INPP5D: variants seen among roughly 807,000 people sequenced by gnomAD.
The protein encoded by INPP5D is inositol polyphosphate-5-phosphatase D, also known as phosphatidylinositol 3,4,5-trisphosphate 5-phosphatase 1.
INPP5D carries 33 observed loss-of-function variants against 122.9 expected under a neutral mutation model. The observed-to-expected ratio is 0.27, with a 90% confidence interval of 0.20 to 0.36. The LOEUF (loss-of-function observed/expected upper bound fraction) is 0.36, where lower values mean the gene tolerates loss of function less well. INPP5D is among the 10% of genes least tolerant of loss of function. The pLI is 1.00. For missense variants in INPP5D, 1,053 were observed against 1,412.7 expected, an observed-to-expected ratio of 0.75 and a Z score of 4.08; for synonymous variants, 584 against 576.2, an observed-to-expected ratio of 1.01 and a Z score of -0.19.
Position 233,105,193 on chromosome 2 carries a change from TG to T in INPP5D, c.199-16910del, listed in dbSNP as rs1441092925. On this transcript the variant is annotated intron_variant, in intron 2 of 26. Transcript: ENST00000445964. The surrounding 1 kb of genome is among the most constrained non-coding windows in gnomAD (Gnocchi z 4.0). Reference sequence around the variant, plus strand: ...AGCAAAGCAACAGAGCCCCCAGAAGTGGGGATGGGAGCAGGGGGGCGGTCAG... The same window carrying T: ...AGCAAAGCAACAGAGCCCCCAGAAGTGGGATGGGAGCAGGGGGGCGGTCAG... Among the ~76,000 whole-genome samples the T allele has an allele frequency of 6.6e-6, 1 of 151,924 alleles. No homozygotes were observed. Among genetic ancestry groups the T allele is most frequent in the Non-Finnish European group, 1.5e-5 (1 of 67,984 alleles).
At chr2:233,179,785 A>G (rs1694737583) in intron 18 of INPP5D, among the ~76,000 whole-genome samples, 1 of 152,250 alleles carries the variant, frequency 6.6e-6, no homozygotes, top group South Asian at 2.1e-4. Context: ...GTGAATGTCC[A>G]GAGCTCAGGA....
At chr2:233,110,421 A>G (rs924821782) in intron 2 of INPP5D, among the ~76,000 whole-genome samples, 3 of 151,792 alleles carry the variant, frequency 2.0e-5, no homozygotes, top group Non-Finnish European at 4.4e-5. Flanking sequence ...GCTGGTCTCT[A>G]ACTCCTGGGC....
At chr2:233,104,137 A>G (rs1424311212) in intron 2 of INPP5D, among the ~76,000 whole-genome samples, 1 of 148,818 alleles carries the variant, frequency 6.7e-6, no homozygotes, top group East Asian at 2.0e-4. Flanking sequence ...CAGCCTCTCA[A>G]GTAGCTGGGA....
rs758622261 is a variant in INPP5D at position 233,060,420 on chromosome 2, C to A, written c.-59C>A. ...GCAGTGGAGGGGCCTCCGCTCCCCT[C>A]GGTGGTGTGTGGGTCCTGGGGGTGC... On this transcript the variant is annotated 5_prime_UTR_variant, in exon 1 of 27. Coordinates refer to ENST00000445964, the MANE Select transcript of INPP5D (RefSeq NM_001017915.3). 6.6e-7 allele frequency: 1 copy of A among 1,523,286 alleles called. No homozygotes were observed. Among genetic ancestry groups the A allele is most frequent in the Non-Finnish European group, 8.9e-7 (1 of 1,127,982 alleles). The allele number at this position is 1,523,286 out of a possible 1,614,324, so 94.4% of individuals were successfully genotyped here. A position where few individuals can be genotyped will look rare whatever the true frequency, so the allele number is the denominator to read the frequency against.
chr2:233,106,038 G>A (rs943240610), intron 2 of INPP5D, among the ~76,000 whole-genome samples: 4 of 152,160 alleles, frequency 2.6e-5, no homozygotes, highest in Admixed American at 1.3e-4. Context: ...CTTATCTCTC[G>A]CAGCCTCAGC....
rs879433321 is a variant in INPP5D at position 233,166,552 on chromosome 2, T to C, written c.1555+2128T>C. Reference sequence around the variant, plus strand: ...GCCAGAGTCCCAGCTTTATGACCATTGCAGGGCAGCTTCTGGGCTGTGCAG... The same window carrying C: ...GCCAGAGTCCCAGCTTTATGACCATCGCAGGGCAGCTTCTGGGCTGTGCAG... On this transcript the variant is annotated intron_variant, in intron 13 of 26. Transcript: ENST00000445964. 7.2e-5 allele frequency among the ~76,000 whole-genome samples: 11 copies of C among 152,232 alleles called. 1 individual carries two copies. Among genetic ancestry groups the C allele is most frequent in the Admixed American group, 7.2e-4 (11 of 15,296 alleles).
intron 5 of INPP5D, chr2:233,134,199 T>G (rs1238246814): frequency 2.8e-6 from 1 of 351,904 alleles, no homozygotes; most frequent in Admixed American, 3.5e-5. Flanking sequence ...CTGGGCTACA[T>G]TTGGCTTGAG....
rs569337781 is a variant in INPP5D at position 233,081,245 on chromosome 2, T to A, written c.198+1847T>A. 1.3e-4 allele frequency among the ~76,000 whole-genome samples: 20 copies of A among 152,284 alleles called. No individual in the cohort carries two copies. The South Asian group carries it at 4.1e-3, about 32-fold the overall frequency. ...ATGTGAGCAGCGGAGGGGAGCCCTG[T>A]CTGGGGCAGGCAGTTGGCCTCAATG... On this transcript the variant is annotated intron_variant, in intron 2 of 26. Transcript: ENST00000445964.
chr2:233,147,384 G>T (rs1486117690), intron 8 of INPP5D, 87 bp from the exon 9 acceptor site: 3 of 680,198 alleles, frequency 4.4e-6, no homozygotes, highest in African/African-American at 3.5e-5. Flanking sequence ...AGGTTGCCCA[G>T]CCATGTAGAC....
rs546819736 is a variant in INPP5D at position 233,147,374 on chromosome 2, A to G, written c.907-97A>G. The G allele has an allele frequency of 1.1e-4, 71 of 669,910 alleles. No individual in the cohort carries two copies. In the African/African-American group the frequency reaches 1.2e-3, roughly 11 times the overall value. 41.5% of individuals were successfully genotyped at this position (669,910 alleles called of 1,614,324 possible). ...TGGCCCCACGAAGGACGCACACCAGAGGTTGCCCAGCCATGTAGACAAGGG... is the reference window on the plus strand; with the variant it reads ...TGGCCCCACGAAGGACGCACACCAGGGGTTGCCCAGCCATGTAGACAAGGG... On this transcript the variant is annotated intron_variant, in intron 8 of 26. Transcript: ENST00000445964.
chr2:233,168,576 G>A (rs7577360), intron 13 of INPP5D, among the ~76,000 whole-genome samples: 49,556 of 152,228 alleles, frequency 0.33, 10,275 homozygotes, highest in Non-Finnish European at 0.46. Context: ...CTGTGTTCCA[G>A]TAACGTGTTC....
chr2:233,098,058 G>A (rs1260469888), intron 2 of INPP5D, among the ~76,000 whole-genome samples: 1 of 151,958 alleles, frequency 6.6e-6, no homozygotes, highest in African/African-American at 2.4e-5. Flanking sequence ...GCTAAATTTT[G>A]TATTTTAAGT....
chr2:233,067,045 T>C (rs1691249416), intron 1 of INPP5D, among the ~76,000 whole-genome samples: 1 of 152,256 alleles, frequency 6.6e-6, no homozygotes, highest in African/African-American at 2.4e-5. Context: ...CCCAAAGTGC[T>C]GGGATTACAG....
At chr2:233,094,370 G>A (rs540981734) in intron 2 of INPP5D, among the ~76,000 whole-genome samples, 9 of 151,514 alleles carry the variant, frequency 5.9e-5, no homozygotes, top group East Asian at 1.9e-4. Flanking sequence ...AAAATTAGCC[G>A]GGCTTAGTGG....
chr2:233,097,089 G>A (rs1426128362), intron 2 of INPP5D, among the ~76,000 whole-genome samples: 3 of 152,144 alleles, frequency 2.0e-5, no homozygotes, highest in Non-Finnish European at 4.4e-5. Flanking sequence ...AGCCAACACC[G>A]TATTAAATAG....
chr2:233,122,334 AG>A, intron 3 of INPP5D, 77 bp downstream of exon 3: 2 of 1,453,190 alleles, frequency 1.4e-6, no homozygotes, highest in Non-Finnish European at 1.9e-6. Context: ...CTTGTAGACT[AG>A]GTGAGTCCTA....
At chr2:233,106,115 G>GTTTA (rs1284660404) in intron 2 of INPP5D, among the ~76,000 whole-genome samples, 16 of 152,234 alleles carry the variant, frequency 1.1e-4, no homozygotes, top group African/African-American at 2.9e-4. Context: ...CCGGGGGAAA[G>GTTTA]TTTATTTTTC....
chr2:233,139,395 CA>C lies in INPP5D; in HGVS notation c.666-446del, dbSNP rs1325300349. Among the ~76,000 whole-genome samples, 155 of 152,018 alleles carry C rather than the reference CA, an allele frequency of 1.0e-3. 2 individuals carry two copies. Among genetic ancestry groups the C allele is most frequent in the Admixed American group, 2.8e-3 (43 of 15,282 alleles). ...GAATCCACAGATCACCAGCACTGGG[CA>C]GCCCTAATATTTAAAATGCAGATTC... On this transcript the variant is annotated intron_variant, in intron 5 of 26. Coordinates refer to ENST00000445964, the MANE Select transcript of INPP5D (RefSeq NM_001017915.3).
At chr2:233,161,861 C>T (rs1443871763) in intron 11 of INPP5D, 35 bp downstream of exon 11, 1 of 1,591,610 alleles carries the variant, frequency 6.3e-7, no homozygotes, top group Non-Finnish European at 8.6e-7. Flanking sequence ...CAGTCACCCC[C>T]TCTGCTTCTG....
Sources: gnomAD v4.1 joint callset for allele counts (sites outside exome capture counted in the v4.1 genomes callset) on GRCh38, gnomAD v4.1.1 for gene constraint, Gnocchi (gnomAD v3.1) non-coding constraint, MANE v1.5 for transcripts, NCBI Gene and HGNC (gene_info 2026-07-23, HGNC 2026-07-21) for gene names.